The following RFPL1 variants were observed in gnomAD, a reference collection of about 807,000 sequenced individuals.
RFPL1 encodes ret finger protein like 1, also known as ret finger protein-like 1.
In RFPL1, 6 loss-of-function variants were observed where a neutral mutation model predicts 9.6. That is an observed-to-expected ratio of 0.62 (90% CI 0.34 to 1.23). RFPL1 has a LOEUF of 1.23. Ranked by LOEUF, RFPL1 falls within the 50% of genes most tolerant of loss-of-function variation. The probability of loss-of-function intolerance (pLI) is 0.03; values close to 1 mark genes in which losing one functional copy is unlikely to be tolerated. For missense variants in RFPL1, 352 were observed against 398.4 expected (o/e 0.88, Z 0.99); for synonymous variants, 145 against 149.4 (o/e 0.97, Z 0.22).
the RFPL1 span, among the ~76,000 whole-genome samples, chr22:29,423,757 A>G: frequency 6.6e-6 from 1 of 152,262 alleles, no homozygotes; most frequent in Non-Finnish European, 1.5e-5. Flanking sequence ...ACTTCTCCCC[A>G]TGACTTCTCT....
chr22:29,431,016 T>G, the RFPL1 span, among the ~76,000 whole-genome samples: 1 of 152,122 alleles, frequency 6.6e-6, no homozygotes, highest in Non-Finnish European at 1.5e-5. Context: ...CATGATTAAA[T>G]CAAAATCTGA....
At chr22:29,427,052 T>C in the RFPL1 span, among the ~76,000 whole-genome samples, 1 of 152,112 alleles carries the variant, frequency 6.6e-6, no homozygotes, top group Non-Finnish European at 1.5e-5. Flanking sequence ...AACTTGTAAG[T>C]TGTGATTTGG....
the RFPL1 span, among the ~76,000 whole-genome samples, chr22:29,408,491 A>G: frequency 2.6e-5 from 4 of 152,250 alleles, no homozygotes; most frequent in South Asian, 4.1e-4. Context: ...CTGTCACTCT[A>G]TGTTCTCCTA....
At chr22:29,439,300 T>C in intron 1 of RFPL1, 136 bp downstream of exon 1, 1 of 1,285,786 alleles carries the variant, frequency 7.8e-7, no homozygotes, top group South Asian at 1.5e-5. Context: ...ATCATCAGAT[T>C]CTCAGCCCTG....
the RFPL1 span, among the ~76,000 whole-genome samples, chr22:29,405,516 C>T: frequency 6.6e-6 from 1 of 152,148 alleles, no homozygotes; most frequent in Non-Finnish European, 1.5e-5. Context: ...TGCAGTAAGC[C>T]ACCTGCCACC....
chr22:29,410,375 T>C, the RFPL1 span, among the ~76,000 whole-genome samples: 11 of 23,272 alleles, frequency 4.7e-4, 2 homozygotes, highest in African/African-American at 3.1e-3. Flanking sequence ...TATATATCTA[T>C]ATATATAGAT....
chr22:29,390,873 C>G, the RFPL1 span, among the ~76,000 whole-genome samples: 1 of 151,424 alleles, frequency 6.6e-6, no homozygotes, highest in Non-Finnish European at 1.5e-5. Flanking sequence ...GCTGGGATTA[C>G]AGGTGTGAGC....
exon 1 of RFPL1, chr22:29,438,674 TTTC>T: frequency 6.5e-7 from 1 of 1,532,068 alleles, no homozygotes; most frequent in Non-Finnish European, 8.8e-7. Context: ...GATTCGTGAC[TTTC>T]TTTCCCAATA....
the RFPL1 span, among the ~76,000 whole-genome samples, chr22:29,410,349 G>GAT: frequency 2.1e-4 from 15 of 69,822 alleles, no homozygotes; most frequent in African/African-American, 5.2e-4. Context: ...TCTATATATA[G>GAT]ATATATATGT....
At chr22:29,419,482 G>A in the RFPL1 span, among the ~76,000 whole-genome samples, 4 of 151,900 alleles carry the variant, frequency 2.6e-5, no homozygotes, top group Admixed American at 2.0e-4. Flanking sequence ...GGGTGCAGTC[G>A]CTCACACCTG....
chr22:29,424,590 A>T, the RFPL1 span, among the ~76,000 whole-genome samples: 1 of 150,742 alleles, frequency 6.6e-6, no homozygotes, highest in African/African-American at 2.4e-5. Flanking sequence ...TGCTCTATCG[A>T]TGAAGGAATT....
the RFPL1 span, among the ~76,000 whole-genome samples, chr22:29,415,307 C>T: frequency 6.6e-6 from 1 of 151,964 alleles, no homozygotes; most frequent in Non-Finnish European, 1.5e-5. Context: ...GATCAGGCCA[C>T]GCTTCCACTC....
At chr22:29,410,652 C>CGA in the RFPL1 span, among the ~76,000 whole-genome samples, 5 of 131,810 alleles carry the variant, frequency 3.8e-5, no homozygotes, top group South Asian at 1.1e-3. Flanking sequence ...ATATATCTAT[C>CGA]TATATATATA....
the RFPL1 span, among the ~76,000 whole-genome samples, chr22:29,400,694 TAGG>T: frequency 6.6e-6 from 1 of 152,248 alleles, no homozygotes; most frequent in African/African-American, 2.4e-5. Context: ...GCCATACTTT[TAGG>T]AGGAGAAGCC....
At chr22:29,424,720 A>G in the RFPL1 span, among the ~76,000 whole-genome samples, 1 of 149,344 alleles carries the variant, frequency 6.7e-6, no homozygotes, top group Non-Finnish European at 1.5e-5. Context: ...AGTCCCATCT[A>G]CTCGGGAGGC....
the RFPL1 span, among the ~76,000 whole-genome samples, chr22:29,430,672 T>G: frequency 5.3e-5 from 8 of 152,074 alleles, no homozygotes; most frequent in Non-Finnish European, 8.8e-5. Flanking sequence ...TGAGTGTGAT[T>G]TTAGAAAAAA....
chr22:29,437,567 G>A (rs2062814403), upstream of RFPL1: 2 of 1,528,772 alleles, frequency 1.3e-6, no homozygotes, highest in Non-Finnish European at 9.0e-7. Flanking sequence ...CTAATTCCCT[G>A]TTATAATTAA....
At chr22:29,409,105 A>G in the RFPL1 span, among the ~76,000 whole-genome samples, 1 of 152,006 alleles carries the variant, frequency 6.6e-6, no homozygotes, top group African/African-American at 2.4e-5. Context: ...CATAGTTGAC[A>G]TGCAAAACAA....
chr22:29,425,977 T>A, the RFPL1 span, among the ~76,000 whole-genome samples: 1 of 152,134 alleles, frequency 6.6e-6, no homozygotes, highest in African/African-American at 2.4e-5. Flanking sequence ...GAATGGAATA[T>A]ATGGACTAAT....
Sources: allele counts gnomAD v4.1 joint callset (sites outside exome capture counted in the v4.1 genomes callset), GRCh38; gene constraint gnomAD v4.1.1; transcripts MANE v1.5; gene names NCBI Gene and HGNC (gene_info 2026-07-23, HGNC 2026-07-21).